The following CDKN2B-AS1 variants were observed in gnomAD, a reference collection of about 807,000 sequenced individuals.
The protein encoded by CDKN2B-AS1 is CDKN2B and CDKN2A antisense cis and trans regulatory RNA 1.
At chr9:22,107,545 G>A (rs1310608106) in intron 4 of CDKN2B-AS1, among the ~76,000 whole-genome samples, 10 of 152,076 alleles carry the variant, frequency 6.6e-5, no homozygotes, top group African/African-American at 1.2e-4. Context: ...CCCACACCCC[G>A]AGTCCTTGTA....
chr9:22,014,795 TTCCCCTTCCTGTG>T (rs1488886543), intron 1 of CDKN2B-AS1, among the ~76,000 whole-genome samples: 1 of 129,130 alleles, frequency 7.7e-6, no homozygotes, highest in Non-Finnish European at 1.6e-5. Flanking sequence ...GAGTGTGATG[TTCCCCTTCCTGTG>T]TCCATGTGTT....
chr9:22,034,815 A>G (rs1280631787), intron 1 of CDKN2B-AS1, among the ~76,000 whole-genome samples: 3 of 152,178 alleles, frequency 2.0e-5, no homozygotes, highest in East Asian at 1.9e-4. Context: ...AGGAGTATCT[A>G]TGTTCCAATA....
At chr9:22,115,053 C>T (rs1825910189) in intron 4 of CDKN2B-AS1, among the ~76,000 whole-genome samples, 1 of 152,122 alleles carries the variant, frequency 6.6e-6, no homozygotes, top group Non-Finnish European at 1.5e-5. Context: ...GAATCCTGAA[C>T]CCCCCATCTT....
chr9:22,099,363 T>C (rs560814110), intron 4 of CDKN2B-AS1, among the ~76,000 whole-genome samples: 1 of 152,268 alleles, frequency 6.6e-6, no homozygotes, highest in East Asian at 1.9e-4. Flanking sequence ...AATAAAAAGA[T>C]TCCATCTAAA....
chr9:22,011,642 A>G (rs922583889), intron 1 of CDKN2B-AS1, among the ~76,000 whole-genome samples: 14 of 152,088 alleles, frequency 9.2e-5, no homozygotes, highest in Middle Eastern at 3.4e-3. Context: ...ATTATTTTTC[A>G]GTCTACACTG....
At chr9:22,064,129 C>CT (rs1245584264) in intron 4 of CDKN2B-AS1, 1 of 152,110 alleles carries the variant, frequency 6.6e-6, no homozygotes, top group Non-Finnish European at 1.5e-5. Flanking sequence ...GGATTGCCCA[C>CT]TAAGACACTG....
At chr9:22,083,707 G>T (rs1824776876) in intron 4 of CDKN2B-AS1, among the ~76,000 whole-genome samples, 3 of 152,160 alleles carry the variant, frequency 2.0e-5, no homozygotes, top group Admixed American at 2.0e-4. Context: ...TTTTAGGGTG[G>T]CATCCAGGTT....
At chr9:22,106,732 T>A (rs1333043) in intron 4 of CDKN2B-AS1, among the ~76,000 whole-genome samples, 97,500 of 152,114 alleles carry the variant, frequency 0.64, 33,357 homozygotes, top group African/African-American at 0.9. Flanking sequence ...TTTGTGGGAA[T>A]GCTTTTTTAG....
At chr9:22,068,043 A>T (rs1266114238) in intron 4 of CDKN2B-AS1, among the ~76,000 whole-genome samples, 2 of 152,166 alleles carry the variant, frequency 1.3e-5, no homozygotes, top group African/African-American at 4.8e-5. Flanking sequence ...TGTAGCCCCG[A>T]AGCTTCATAG....
Position 22,005,392 on chromosome 9 carries a change from G to A in CDKN2B-AS1, n.29+10231G>A, listed in dbSNP as rs1403430222. 1 of 245,160 alleles carries A rather than the reference G, an allele frequency of 4.1e-6. No homozygotes were observed. Among genetic ancestry groups the A allele is most frequent in the East Asian group, 5.8e-5 (1 of 17,146 alleles). 15.2% of individuals were successfully genotyped at this position (245,160 alleles called of 1,614,324 possible). ...CGAGGGTCTCCAGGGCTTCCAGAGA[G>A]TGTCGTTTACGCATGTGACTTGCCA... On this transcript the variant is annotated intron_variant and non_coding_transcript_variant, in intron 1 of 4. Coordinates refer to ENST00000650946, the Ensembl canonical transcript of CDKN2B-AS1. The surrounding 1 kb of genome is among the most constrained non-coding windows in gnomAD (Gnocchi z 4.9).
At chr9:22,079,286 C>G (rs577052234) in intron 4 of CDKN2B-AS1, among the ~76,000 whole-genome samples, 1 of 152,202 alleles carries the variant, frequency 6.6e-6, no homozygotes, top group South Asian at 2.1e-4. Context: ...GAGTTCGAGA[C>G]CAGCCTGGCC....
At chr9:22,044,899 A>AATT (rs758948194) in intron 1 of CDKN2B-AS1, among the ~76,000 whole-genome samples, 3 of 152,068 alleles carry the variant, frequency 2.0e-5, no homozygotes, top group Non-Finnish European at 4.4e-5. Flanking sequence ...ACTCTCTCCT[A>AATT]AGAATACTAC....
At chr9:22,091,987 G>A (rs1185588733) in intron 4 of CDKN2B-AS1, among the ~76,000 whole-genome samples, 2 of 152,076 alleles carry the variant, frequency 1.3e-5, no homozygotes, top group Non-Finnish European at 2.9e-5. Context: ...ATTATTTTGA[G>A]ATACATCCCA....
At chr9:22,067,656 C>T (rs974052861) in intron 4 of CDKN2B-AS1, among the ~76,000 whole-genome samples, 2 of 152,114 alleles carry the variant, frequency 1.3e-5, no homozygotes, top group Admixed American at 1.3e-4. Context: ...ATACAGCCTA[C>T]AGTGGTTAGC....
chr9:22,055,013 A>C (rs1364154017), intron 3 of CDKN2B-AS1, among the ~76,000 whole-genome samples: 1 of 152,158 alleles, frequency 6.6e-6, no homozygotes, highest in East Asian at 1.9e-4. Flanking sequence ...TGGCCTCCCA[A>C]AGTGCTGGGA....
At chr9:22,093,642 C>A (rs1299716182) in intron 4 of CDKN2B-AS1, among the ~76,000 whole-genome samples, 1 of 138,854 alleles carries the variant, frequency 7.2e-6, no homozygotes, top group Non-Finnish European at 1.5e-5. Flanking sequence ...GATTGCAACC[C>A]CTGCCTTTTT....
intron 4 of CDKN2B-AS1, among the ~76,000 whole-genome samples, chr9:22,108,382 G>C (rs1238609540): frequency 6.6e-6 from 1 of 152,174 alleles, no homozygotes; most frequent in African/African-American, 2.4e-5. Flanking sequence ...ACATTGCTTG[G>C]TCATTCAATA....
chr9:22,055,902 T>A (rs1301966852), intron 3 of CDKN2B-AS1, among the ~76,000 whole-genome samples: 1 of 152,132 alleles, frequency 6.6e-6, no homozygotes, highest in Non-Finnish European at 1.5e-5. Flanking sequence ...CAAACAATTA[T>A]AGTACAAATC....
At chr9:22,071,899 T>C (rs1824310065) in intron 4 of CDKN2B-AS1, among the ~76,000 whole-genome samples, 1 of 152,210 alleles carries the variant, frequency 6.6e-6, no homozygotes. Context: ...TTCCAAAGCA[T>C]TAAACAATGC....
Sources: gnomAD v4.1 joint callset for allele counts (sites outside exome capture counted in the v4.1 genomes callset) on GRCh38, gnomAD v4.1.1 for gene constraint, Gnocchi (gnomAD v3.1) non-coding constraint, MANE v1.5 for transcripts, NCBI Gene and HGNC (gene_info 2026-07-23, HGNC 2026-07-21) for gene names.